The following GALNT13 variants were observed in gnomAD, a reference collection of about 807,000 sequenced individuals.
GALNT13 encodes the protein polypeptide N-acetylgalactosaminyltransferase 13.
Under a neutral mutation model 64.2 loss-of-function variants are expected in GALNT13, and 28 were observed. The observed-to-expected ratio is 0.44, with a 90% CI of 0.32 to 0.60. The LOEUF is 0.60. GALNT13 is among the 20% of genes least tolerant of loss of function. The pLI is 0.05. For missense variants in GALNT13, 577 were observed against 669.8 expected (o/e 0.86, Z 1.53); for synonymous variants, 214 against 224.6 (o/e 0.95, Z 0.42).
chr2:153,677,736 C>G, the GALNT13 span, among the ~76,000 whole-genome samples: 1 of 151,344 alleles, frequency 6.6e-6, no homozygotes, highest in African/African-American at 2.4e-5. Context: ...TGCACACTTA[C>G]AACCATCTGA....
At chr2:154,270,129 C>G (rs962194767) in intron 8 of GALNT13, among the ~76,000 whole-genome samples, 13 of 151,186 alleles carry the variant, frequency 8.6e-5, no homozygotes, top group Admixed American at 4.0e-4. Context: ...AGAACATTAG[C>G]AAACATTAAC....
the GALNT13 span, among the ~76,000 whole-genome samples, chr2:153,724,613 AAAAC>A: frequency 3.2e-4 from 38 of 119,304 alleles, no homozygotes; most frequent in Admixed American, 2.0e-3. Flanking sequence ...TTACAAGAAA[AAAAC>A]AAACAACCCC....
chr2:153,478,404 C>T, the GALNT13 span: 1 of 1,614,180 alleles, frequency 6.2e-7, no homozygotes, highest in Non-Finnish European at 8.5e-7. Flanking sequence ...GCACCACGCG[C>T]ATTATGTACA....
At chr2:154,336,147 T>A (rs1695433914) in intron 9 of GALNT13, among the ~76,000 whole-genome samples, 1 of 152,016 alleles carries the variant, frequency 6.6e-6, no homozygotes, top group South Asian at 2.1e-4. Context: ...CACCTACAAG[T>A]CTAGTTGATT....
chr2:153,271,821 CA>C, the GALNT13 span, among the ~76,000 whole-genome samples: 1 of 152,074 alleles, frequency 6.6e-6, no homozygotes. Flanking sequence ...CAATCCTAAG[CA>C]AAAAGAACAA....
chr2:154,394,005 G>A (rs1005244621), intron 9 of GALNT13, among the ~76,000 whole-genome samples: 1 of 144,388 alleles, frequency 6.9e-6, no homozygotes, highest in Non-Finnish European at 1.5e-5. Flanking sequence ...GTGAACCCGG[G>A]AGGCGGAGCT....
chr2:153,091,595 A>G, the GALNT13 span, among the ~76,000 whole-genome samples: 1 of 152,216 alleles, frequency 6.6e-6, no homozygotes, highest in Non-Finnish European at 1.5e-5. Flanking sequence ...GAGTCTCCAC[A>G]TGCTGTTCTG....
intron 11 of GALNT13, among the ~76,000 whole-genome samples, chr2:154,409,648 A>G (rs917430197): frequency 6.6e-6 from 1 of 151,946 alleles, no homozygotes; most frequent in African/African-American, 2.4e-5. Context: ...TTTGGCTGTG[A>G]GTCTTCAGGA....
At position 154,245,821 on chromosome 2, in the gene GALNT13, T is replaced by C. The variant is rs1689750014; in HGVS notation, c.696T>C (p.Val232=). ...TTTAATTTCTCTGCAGGAAAACGGT[T>C]GTCTGCCCTATCATTGATGTGATTA... ...LARIKEDRKT[V]VCPIIDVISD... Residue 232 remains valine, a synonymous_variant, in exon 7 of 13, where the codon GTT becomes GTC. Coordinates refer to ENST00000392825, the MANE Select transcript of GALNT13 (RefSeq NM_052917.4). The C allele has an allele frequency of 1.3e-6, 2 of 1,595,376 alleles. No individual in the cohort carries two copies. Among genetic ancestry groups the C allele is most frequent in the East Asian group, 4.5e-5 (2 of 44,464 alleles).
At chr2:153,219,485 G>A in the GALNT13 span, among the ~76,000 whole-genome samples, 1 of 152,198 alleles carries the variant, frequency 6.6e-6, no homozygotes, top group Non-Finnish European at 1.5e-5. Flanking sequence ...CAGAAGAGCA[G>A]CTGTCTCAAG....
At chr2:153,637,240 C>A in the GALNT13 span, among the ~76,000 whole-genome samples, 1 of 151,960 alleles carries the variant, frequency 6.6e-6, no homozygotes, top group African/African-American at 2.4e-5. Flanking sequence ...TGTATTAATT[C>A]CCTTTGAAGT....
chr2:154,411,700 G>C (rs931390024), intron 11 of GALNT13, among the ~76,000 whole-genome samples: 1 of 151,724 alleles, frequency 6.6e-6, no homozygotes, highest in Non-Finnish European at 1.5e-5. Context: ...AGAAGACTGA[G>C]TTGGAAAAGA....
chr2:153,550,103 A>G, the GALNT13 span, among the ~76,000 whole-genome samples: 1 of 152,186 alleles, frequency 6.6e-6, no homozygotes, highest in Non-Finnish European at 1.5e-5. Flanking sequence ...TGTTTCCTAG[A>G]ATACCATTTA....
intron 9 of GALNT13, among the ~76,000 whole-genome samples, chr2:154,370,895 T>C (rs1158672387): frequency 6.6e-6 from 1 of 151,976 alleles, no homozygotes; most frequent in Non-Finnish European, 1.5e-5. Flanking sequence ...CAGAATTAAG[T>C]CTCAGGGCAC....
intron 4 of GALNT13, among the ~76,000 whole-genome samples, chr2:154,188,037 T>G (rs1246781695): frequency 6.6e-6 from 1 of 151,954 alleles, no homozygotes. Flanking sequence ...TCTCTCTCTC[T>G]CTCTCTCTCT....
At chr2:153,287,961 A>G in the GALNT13 span, among the ~76,000 whole-genome samples, 1 of 152,004 alleles carries the variant, frequency 6.6e-6, no homozygotes, top group East Asian at 1.9e-4. Context: ...CTCCCATATC[A>G]ATTCCGTTTG....
chr2:153,923,572 G>C (rs558121317), intron 2 of GALNT13, among the ~76,000 whole-genome samples: 12 of 151,716 alleles, frequency 7.9e-5, no homozygotes, highest in African/African-American at 2.2e-4. Context: ...TTAAGTTCTA[G>C]GGTACATGTG....
chr2:154,169,000 C>T (rs1685197433), intron 4 of GALNT13, among the ~76,000 whole-genome samples: 1 of 151,984 alleles, frequency 6.6e-6, no homozygotes, highest in African/African-American at 2.4e-5. Flanking sequence ...CCAGTTTGTG[C>T]AGAGATCACA....
At chr2:153,276,377 A>T in the GALNT13 span, among the ~76,000 whole-genome samples, 1 of 152,230 alleles carries the variant, frequency 6.6e-6, no homozygotes, top group East Asian at 1.9e-4. Flanking sequence ...TTCTATATTT[A>T]CTTTTAATAA....
Sources: gnomAD v4.1 joint callset for allele counts (sites outside exome capture counted in the v4.1 genomes callset) on GRCh38, gnomAD v4.1.1 for gene constraint, MANE v1.5 for transcripts, NCBI Gene and HGNC (gene_info 2026-07-23, HGNC 2026-07-21) for gene names.